Variants in ADGRL2 observed in about 807,000 individuals in gnomAD.
The protein encoded by ADGRL2 is adhesion G protein-coupled receptor L2.
ADGRL2 carries 44 observed loss-of-function variants against 157.4 expected under a neutral mutation model. That is an observed-to-expected ratio of 0.28 (90% CI 0.22 to 0.36). ADGRL2 has a LOEUF of 0.36. Among genes scored for constraint, ADGRL2 ranks in the 10% least tolerant of loss-of-function variants. ADGRL2 has a pLI of 1.00. For synonymous variants in ADGRL2, 585 were observed against 624.7 expected, an observed-to-expected ratio of 0.94 and a Z score of 0.95; for missense variants, 1,510 against 1,768.9, an observed-to-expected ratio of 0.85 and a Z score of 2.63.
intron 2 of ADGRL2, among the ~76,000 whole-genome samples, chr1:81,465,084 T>C (rs577441838): frequency 6.6e-6 from 1 of 152,126 alleles, no homozygotes; most frequent in Admixed American, 6.6e-5. Flanking sequence ...TGGTCACATA[T>C]TTCAGCTACG....
chr1:81,973,931 TGG>T (rs749487421), intron 17 of ADGRL2, among the ~76,000 whole-genome samples: 2 of 139,782 alleles, frequency 1.4e-5, no homozygotes, highest in Non-Finnish European at 3.2e-5. Context: ...ACAGTGTGTG[TGG>T]GGAAAAAATA....
At position 81,478,172 on chromosome 1, in the gene ADGRL2, G is replaced by A. The variant is rs143231729; in HGVS notation, c.-248+33083G>A. Among the ~76,000 whole-genome samples, 627 of 152,246 alleles carry A rather than the reference G, an allele frequency of 4.1e-3. 6 individuals carry two copies. Among genetic ancestry groups the A allele is most frequent in the African/African-American group, 0.014 (585 of 41,524 alleles). On this transcript the variant is annotated intron_variant, in intron 2 of 24. Transcript: ENST00000370721. ...ATTCCTTGGGGGAGTCGGTAAATAG[G>A]AGCAAGGGGCAGGAGGAGTCATTAT...
chr1:81,373,798 G>C (rs1372985899), intron 1 of ADGRL2, among the ~76,000 whole-genome samples: 1 of 152,176 alleles, frequency 6.6e-6, no homozygotes, highest in African/African-American at 2.4e-5. Flanking sequence ...ATGACACGGA[G>C]GGTGGGCCAC....
intron 1 of ADGRL2, among the ~76,000 whole-genome samples, chr1:81,808,522 A>C (rs1051882376): frequency 6.6e-6 from 1 of 151,894 alleles, no homozygotes; most frequent in Non-Finnish European, 1.5e-5. Flanking sequence ...AACTACTTCC[A>C]CTGGCATATT....
chr1:81,519,593 T>C (rs139417795), intron 2 of ADGRL2, among the ~76,000 whole-genome samples: 1 of 152,296 alleles, frequency 6.6e-6, no homozygotes, highest in Admixed American at 6.5e-5. Flanking sequence ...CTTAATGAAA[T>C]AATGATGATG....
At chr1:81,412,934 C>A (rs2076972152) in intron 1 of ADGRL2, among the ~76,000 whole-genome samples, 2 of 152,006 alleles carry the variant, frequency 1.3e-5, no homozygotes, top group Non-Finnish European at 2.9e-5. Flanking sequence ...AATTACTATT[C>A]TTTTTTCTAT....
chr1:81,846,654 GT>G (rs2092802127), intron 2 of ADGRL2, among the ~76,000 whole-genome samples: 1 of 151,768 alleles, frequency 6.6e-6, no homozygotes, highest in Non-Finnish European at 1.5e-5. Context: ...GTGTTTGTGT[GT>G]ATGTATTAAT....
At chr1:81,400,060 T>A in intron 1 of ADGRL2, among the ~76,000 whole-genome samples, 1 of 152,156 alleles carries the variant, frequency 6.6e-6, no homozygotes, top group East Asian at 1.9e-4. Context: ...TAACAATAAC[T>A]ATGCATGCTT....
chr1:81,801,650 C>G (rs1252060358), intron 1 of ADGRL2, among the ~76,000 whole-genome samples: 1 of 152,150 alleles, frequency 6.6e-6, no homozygotes, highest in Non-Finnish European at 1.5e-5. Context: ...CCGGGAGATC[C>G]GAAATGTGAG....
At chr1:81,698,661 C>T (rs554672188), upstream of ADGRL2, among the ~76,000 whole-genome samples, 1 of 152,152 alleles carries the variant, frequency 6.6e-6, no homozygotes, top group South Asian at 2.1e-4. Context: ...AATTAAAATC[C>T]CACCTCTAGA....
intron 1 of ADGRL2, among the ~76,000 whole-genome samples, chr1:81,745,300 C>G (rs2085209147): frequency 6.6e-6 from 1 of 152,226 alleles, no homozygotes; most frequent in Admixed American, 6.5e-5. Context: ...GAGAAGCACA[C>G]AGCTGTGCAT....
chr1:81,842,440 C>T (rs1380556257), intron 2 of ADGRL2, among the ~76,000 whole-genome samples: 2 of 138,030 alleles, frequency 1.4e-5, no homozygotes, highest in Non-Finnish European at 3.1e-5. Context: ...TCACTGAAAC[C>T]TCCACCTCCC....
At chr1:81,908,000 CCAT>C (rs1220273096) in intron 3 of ADGRL2, among the ~76,000 whole-genome samples, 1 of 152,084 alleles carries the variant, frequency 6.6e-6, no homozygotes, top group African/African-American at 2.4e-5. Flanking sequence ...GACCTCTTAG[CCAT>C]CATCAAGTCG....
At chr1:81,808,953 G>C (rs2089510320) in intron 1 of ADGRL2, among the ~76,000 whole-genome samples, 1 of 152,036 alleles carries the variant, frequency 6.6e-6, no homozygotes, top group Non-Finnish European at 1.5e-5. Context: ...GAAAGGGGAG[G>C]ACAAATGTCA....
chr1:81,471,777 A>G (rs1236702813), intron 2 of ADGRL2, among the ~76,000 whole-genome samples: 1 of 152,208 alleles, frequency 6.6e-6, no homozygotes, highest in Non-Finnish European at 1.5e-5. Flanking sequence ...TCAAAACTGG[A>G]TAAGACCTAA....
chr1:81,406,794 G>A (rs936680252), intron 1 of ADGRL2, among the ~76,000 whole-genome samples: 2 of 152,078 alleles, frequency 1.3e-5, no homozygotes, highest in Non-Finnish European at 1.5e-5. Context: ...CAACATCTGC[G>A]ATATGAAAAG....
At chr1:81,496,301 A>G (rs1161972354) in intron 2 of ADGRL2, among the ~76,000 whole-genome samples, 2 of 152,234 alleles carry the variant, frequency 1.3e-5, no homozygotes, top group Non-Finnish European at 2.9e-5. Context: ...AAAACCTTTT[A>G]TGCATGGCAA....
chr1:81,587,777 A>G (rs574518330), intron 3 of ADGRL2, among the ~76,000 whole-genome samples: 13 of 152,152 alleles, frequency 8.5e-5, no homozygotes, highest in Non-Finnish European at 1.5e-4. Flanking sequence ...TATGAGTTAT[A>G]GAGAGATTGA....
At chr1:81,358,342 ATG>A (rs2075907170) in intron 1 of ADGRL2, among the ~76,000 whole-genome samples, 1 of 152,162 alleles carries the variant, frequency 6.6e-6, no homozygotes, top group South Asian at 2.1e-4. Context: ...CTTGGAATGA[ATG>A]TGTCTTGATG....
Sources: allele counts gnomAD v4.1 joint callset (sites outside exome capture counted in the v4.1 genomes callset), GRCh38; gene constraint gnomAD v4.1.1; transcripts MANE v1.5; gene names NCBI Gene and HGNC (gene_info 2026-07-23, HGNC 2026-07-21).